The following EHHADH variants were observed in gnomAD, a reference collection of about 807,000 sequenced individuals.
EHHADH encodes enoyl-CoA hydratase and 3-hydroxyacyl CoA dehydrogenase, also known as peroxisomal bifunctional enzyme.
EHHADH carries 48 observed loss-of-function variants against 64.4 expected under a neutral mutation model. That is an observed-to-expected ratio of 0.75 (90% CI 0.59 to 0.95). The LOEUF (loss-of-function observed/expected upper bound fraction) is 0.95, where lower values mean the gene tolerates loss of function less well. EHHADH is among the 40% of genes least tolerant of loss of function. The probability of loss-of-function intolerance (pLI) is 0.00; values close to 1 mark genes in which losing one functional copy is unlikely to be tolerated. For missense variants in EHHADH, 854 were observed against 876.6 expected, an observed-to-expected ratio of 0.97 and a Z score of 0.33; for synonymous variants, 308 against 326.7, an observed-to-expected ratio of 0.94 and a Z score of 0.62.
At chr3:185,233,070 A>G (rs1435449472) in intron 3 of EHHADH, among the ~76,000 whole-genome samples, 1 of 152,268 alleles carries the variant, frequency 6.6e-6, no homozygotes, top group Non-Finnish European at 1.5e-5. Context: ...GGGTAAATAT[A>G]AAAGACAGTA....
intron 4 of EHHADH, among the ~76,000 whole-genome samples, chr3:185,221,843 G>C (rs182715464): frequency 6.6e-6 from 1 of 151,662 alleles, no homozygotes; most frequent in African/African-American, 2.4e-5. Context: ...GAAAGTGCTG[G>C]GATTACAGGC....
chr3:185,235,179 CA>C, intron 3 of EHHADH, 110 bp downstream of exon 3: 8 of 1,156,096 alleles, frequency 6.9e-6, no homozygotes, highest in Non-Finnish European at 9.4e-6. Flanking sequence ...GACTCCATCT[CA>C]AAAAAACAAA....
At chr3:185,213,337 AG>A (rs1718600445) in intron 5 of EHHADH, among the ~76,000 whole-genome samples, 1 of 152,110 alleles carries the variant, frequency 6.6e-6, no homozygotes. Flanking sequence ...TTAATGAATC[AG>A]AAAGTAATGA....
chr3:185,199,508 G>A (rs1192532407), intron 6 of EHHADH, among the ~76,000 whole-genome samples: 1 of 152,236 alleles, frequency 6.6e-6, no homozygotes, highest in African/African-American at 2.4e-5. Flanking sequence ...GAGGCCTAAA[G>A]TAGGTGATGG....
intron 6 of EHHADH, among the ~76,000 whole-genome samples, chr3:185,195,608 T>A (rs1718036308): frequency 6.6e-6 from 1 of 152,120 alleles, no homozygotes; most frequent in South Asian, 2.1e-4. Flanking sequence ...TAAAAAAGAA[T>A]AAAATCACAC....
At chr3:185,232,148 C>A (rs530179607) in intron 3 of EHHADH, among the ~76,000 whole-genome samples, 2 of 152,194 alleles carry the variant, frequency 1.3e-5, no homozygotes, top group African/African-American at 4.8e-5. Flanking sequence ...TTACCCAGAT[C>A]GTGATTCTAG....
chr3:185,234,456 C>T (rs757561024), intron 3 of EHHADH, among the ~76,000 whole-genome samples: 2 of 152,204 alleles, frequency 1.3e-5, no homozygotes, highest in Non-Finnish European at 2.9e-5. Context: ...GGTCATAGTA[C>T]TGGAGGTAGA....
chr3:185,228,914 C>T (rs982482261), intron 4 of EHHADH, among the ~76,000 whole-genome samples: 4 of 151,850 alleles, frequency 2.6e-5, no homozygotes, highest in Non-Finnish European at 4.4e-5. Context: ...AGCGATTCTC[C>T]TGCCTCAGTC....
intron 2 of EHHADH, among the ~76,000 whole-genome samples, chr3:185,244,965 A>T (rs1187767528): frequency 6.6e-6 from 1 of 152,182 alleles, no homozygotes. Context: ...TTTATGTAAA[A>T]TTGGAATATT....
intron 6 of EHHADH, among the ~76,000 whole-genome samples, chr3:185,202,975 C>T (rs987072188): frequency 9.5e-6 from 1 of 105,270 alleles, no homozygotes. Flanking sequence ...TGGTGGTTGC[C>T]AAAGGCCAGG....
chr3:185,243,940 C>T (rs1719522572), intron 2 of EHHADH, among the ~76,000 whole-genome samples: 1 of 152,180 alleles, frequency 6.6e-6, no homozygotes, highest in Admixed American at 6.5e-5. Context: ...CTAGTGCTGT[C>T]AGCGGGGTTT....
At chr3:185,235,558 T>A (rs1007243122) in intron 2 of EHHADH, 96 bp from the exon 3 acceptor site, 35 of 1,066,466 alleles carry the variant, frequency 3.3e-5, no homozygotes, top group Non-Finnish European at 1.1e-5. Flanking sequence ...AAAATTAATT[T>A]GTTTTATTTA....
Position 185,216,067 on chromosome 3 carries a change from C to T in EHHADH, c.568+2069G>A, listed in dbSNP as rs1402796860. ...TGGTGCCTCAATATTTGGATGCCACCAAGTGGACAAACTGTATAATGTCGT... is the reference window on the plus strand; with the variant it reads ...TGGTGCCTCAATATTTGGATGCCACTAAGTGGACAAACTGTATAATGTCGT... On this transcript the variant is annotated intron_variant, in intron 5 of 6. Transcript: ENST00000231887. This position sits in a 1 kb window ranked among gnomAD's most constrained non-coding sequence, Gnocchi z 5.3. Among the ~76,000 whole-genome samples, 7 of 152,174 alleles carry T rather than the reference C, an allele frequency of 4.6e-5. No individual in the cohort carries two copies. Among genetic ancestry groups the T allele is most frequent in the Admixed American group, 6.5e-5 (1 of 15,280 alleles).
At chr3:185,215,724 C>G (rs1718665047) in intron 5 of EHHADH, among the ~76,000 whole-genome samples, 1 of 152,124 alleles carries the variant, frequency 6.6e-6, no homozygotes, top group Non-Finnish European at 1.5e-5. Flanking sequence ...AGAAAACTAA[C>G]TTATCCTAAG....
At chr3:185,227,485 T>G (rs6809283) in intron 4 of EHHADH, among the ~76,000 whole-genome samples, 99,897 of 151,320 alleles carry the variant, frequency 0.66, 35,152 homozygotes, top group Non-Finnish European at 0.79. Flanking sequence ...TGAGCTGAGA[T>G]CGCAGCATTG....
chr3:185,211,734 A>C (rs1366976871), intron 5 of EHHADH, among the ~76,000 whole-genome samples: 2 of 152,244 alleles, frequency 1.3e-5, no homozygotes, highest in Non-Finnish European at 2.9e-5. Context: ...CTCCTATGTA[A>C]GGCAGGTCAC....
chr3:185,246,803 T>C (rs1719608527), intron 2 of EHHADH, among the ~76,000 whole-genome samples: 1 of 152,188 alleles, frequency 6.6e-6, no homozygotes, highest in Non-Finnish European at 1.5e-5. Flanking sequence ...TACGGTTAGT[T>C]TGTCAGTTCC....
At chr3:185,200,008 A>G (rs1718181678) in intron 6 of EHHADH, among the ~76,000 whole-genome samples, 1 of 152,238 alleles carries the variant, frequency 6.6e-6, no homozygotes, top group African/African-American at 2.4e-5. Flanking sequence ...ACTTTACAGA[A>G]AAAGTTTGCT....
At chr3:185,236,300 T>C (rs1719291011) in intron 2 of EHHADH, among the ~76,000 whole-genome samples, 1 of 150,356 alleles carries the variant, frequency 6.7e-6, no homozygotes, top group Non-Finnish European at 1.5e-5. Flanking sequence ...GGTTGCGCTC[T>C]CCTTATGAGA....
Sources: gnomAD v4.1 joint callset for allele counts (sites outside exome capture counted in the v4.1 genomes callset) on GRCh38, gnomAD v4.1.1 for gene constraint, Gnocchi (gnomAD v3.1) non-coding constraint, MANE v1.5 for transcripts, NCBI Gene and HGNC (gene_info 2026-07-23, HGNC 2026-07-21) for gene names.